The following TLN2 variants were observed in gnomAD, a reference collection of about 807,000 sequenced individuals.
TLN2 encodes talin 2, also known as talin-2.
TLN2 carries 118 observed loss-of-function variants against 294.7 expected under a neutral mutation model. The ratio of observed to expected loss-of-function variants is 0.40; its 90% CI spans 0.34 to 0.47. The LOEUF is 0.47. TLN2 is among the 20% of genes least tolerant of loss of function. The pLI, the probability that TLN2 is intolerant of heterozygous loss-of-function variation, is 0.84. For synonymous variants in TLN2, 1,431 were observed against 1,304.5 expected (o/e 1.10, Z -2.09); for missense variants, 3,083 against 3,282.2 (o/e 0.94, Z 1.48).
At chr15:62,402,456 T>G (rs184444075) in intron 1 of TLN2, among the ~76,000 whole-genome samples, 2 of 152,322 alleles carry the variant, frequency 1.3e-5, no homozygotes, top group East Asian at 3.9e-4. Flanking sequence ...CATCATCCCT[T>G]TCTTGTCCTC....
intron 1 of TLN2, among the ~76,000 whole-genome samples, chr15:62,508,379 G>C (rs1034649711): frequency 2.6e-5 from 4 of 152,064 alleles, no homozygotes; most frequent in African/African-American, 9.7e-5. Context: ...ACCACACCCA[G>C]CTAATTTTTG....
chr15:62,721,247 G>A (rs2060129751), intron 25 of TLN2, among the ~76,000 whole-genome samples: 1 of 152,124 alleles, frequency 6.6e-6, no homozygotes, highest in African/African-American at 2.4e-5. Context: ...GCTCTTCCAG[G>A]AGGTTGAACA....
chr15:62,448,056 A>G (rs752945885), intron 1 of TLN2, among the ~76,000 whole-genome samples: 3 of 152,174 alleles, frequency 2.0e-5, no homozygotes, highest in Non-Finnish European at 4.4e-5. Context: ...GAGCCCAGGA[A>G]TCTGTATTTC....
chr15:62,590,399 T>C (rs138631705), intron 2 of TLN2, among the ~76,000 whole-genome samples: 9 of 152,326 alleles, frequency 5.9e-5, no homozygotes, highest in Non-Finnish European at 1.3e-4. Context: ...CTCACATTTA[T>C]AAGTGAGAAT....
At chr15:62,705,018 C>G (rs2058967044) in intron 19 of TLN2, among the ~76,000 whole-genome samples, 1 of 152,216 alleles carries the variant, frequency 6.6e-6, no homozygotes, top group African/African-American at 2.4e-5. Flanking sequence ...ACAATTCTTC[C>G]TTTAAACATC....
At position 62,744,907 on chromosome 15, in the gene TLN2, A is replaced by G. The variant is rs185087211; in HGVS notation, c.4026-3444A>G. On this transcript the variant is annotated intron_variant, in intron 32 of 58. Coordinates refer to ENST00000636159, the MANE Select transcript of TLN2 (RefSeq NM_015059.3). ...GGACCCTGGGAATACAGAAAGGTCA[A>G]TTTCGATTTGCTCTTTCCTCCTTTC... Among the ~76,000 whole-genome samples, 6 of 150,010 alleles carry G rather than the reference A, an allele frequency of 4.0e-5. No individual in the cohort carries two copies. In the East Asian group the frequency reaches 1.2e-3, roughly 29 times the overall value.
At chr15:62,604,332 A>G (rs529620388) in intron 2 of TLN2, among the ~76,000 whole-genome samples, 1 of 152,160 alleles carries the variant, frequency 6.6e-6, no homozygotes, top group Non-Finnish European at 1.5e-5. Context: ...CCTAGGCAAC[A>G]AAGTGAAACC....
chr15:62,732,786 G>T (rs138780898), intron 28 of TLN2, among the ~76,000 whole-genome samples: 3 of 152,156 alleles, frequency 2.0e-5, no homozygotes, highest in African/African-American at 7.2e-5. Context: ...TAACATGAAC[G>T]GTTCCAAGTG....
At chr15:62,679,025 C>T (rs1024055076) in intron 11 of TLN2, among the ~76,000 whole-genome samples, 2 of 115,926 alleles carry the variant, frequency 1.7e-5, no homozygotes, top group African/African-American at 5.7e-5. Flanking sequence ...CAAGATATAC[C>T]AAGTCTTTTT....
chr15:62,716,194 C>G (rs570131366), intron 22 of TLN2, 137 bp from the exon 23 acceptor site: 6 of 1,101,122 alleles, frequency 5.4e-6, no homozygotes, highest in Middle Eastern at 3.3e-4. Context: ...GAAACATCTT[C>G]ATCATAAAGA....
At chr15:62,461,998 C>A (rs427604) in intron 1 of TLN2, among the ~76,000 whole-genome samples, 149,650 of 152,334 alleles carry the variant, frequency 0.98, 73,560 homozygotes, top group East Asian at 1. Context: ...GCACTTTGGG[C>A]GGCTGAGGCA....
chr15:62,837,063 A>C (rs541746738), intron 57 of TLN2, among the ~76,000 whole-genome samples: 1 of 152,132 alleles, frequency 6.6e-6, no homozygotes, highest in Non-Finnish European at 1.5e-5. Flanking sequence ...TTTTATTGTA[A>C]GTGTTAAAAT....
At chr15:62,668,183 A>G (rs542574331) in intron 9 of TLN2, among the ~76,000 whole-genome samples, 1 of 152,304 alleles carries the variant, frequency 6.6e-6, no homozygotes, top group Admixed American at 6.5e-5. Context: ...AGAAATTTGC[A>G]AAGAGTAAAT....
chr15:62,647,199 G>C, intron 3 of TLN2, 76 bp from the exon 4 acceptor site: 2 of 1,362,046 alleles, frequency 1.5e-6, no homozygotes, highest in Non-Finnish European at 2.0e-6. Flanking sequence ...TTAAAGTCCA[G>C]CACTTTTTTT....
At chr15:62,414,642 A>G (rs2033977124) in intron 1 of TLN2, among the ~76,000 whole-genome samples, 1 of 141,362 alleles carries the variant, frequency 7.1e-6, no homozygotes, top group South Asian at 2.7e-4. Flanking sequence ...AGTGATTTGG[A>G]CGTTCAGTCT....
At chr15:62,464,460 A>T (rs2036995817) in intron 1 of TLN2, among the ~76,000 whole-genome samples, 1 of 152,086 alleles carries the variant, frequency 6.6e-6, no homozygotes, top group African/African-American at 2.4e-5. Context: ...CATTAGGAGA[A>T]ATACCTAACG....
intron 1 of TLN2, among the ~76,000 whole-genome samples, chr15:62,404,911 C>A (rs950475539): frequency 5.9e-5 from 9 of 152,162 alleles, no homozygotes; most frequent in African/African-American, 2.2e-4. Context: ...AGGTTTGGTA[C>A]ACTCAAGAAG....
At chr15:62,794,212 G>C (rs951250517) in intron 46 of TLN2, among the ~76,000 whole-genome samples, 6 of 152,296 alleles carry the variant, frequency 3.9e-5, no homozygotes, top group African/African-American at 1.2e-4. Flanking sequence ...TTGGGTCCCT[G>C]ATTTAGGACA....
At chr15:62,666,281 C>T (rs1004587837) in intron 9 of TLN2, among the ~76,000 whole-genome samples, 4 of 152,112 alleles carry the variant, frequency 2.6e-5, no homozygotes, top group African/African-American at 4.8e-5. Flanking sequence ...AGTGTGATAG[C>T]GCTAAGAGGT....
Sources: allele counts gnomAD v4.1 joint callset (sites outside exome capture counted in the v4.1 genomes callset), GRCh38; gene constraint gnomAD v4.1.1; transcripts MANE v1.5; gene names NCBI Gene and HGNC (gene_info 2026-07-23, HGNC 2026-07-21).